Variants in NELL2 observed in about 807,000 individuals in gnomAD.
NELL2 encodes the protein protein kinase C-binding protein NELL2.
A neutral mutation model predicts 109.6 loss-of-function variants in NELL2; 41 were observed. The observed-to-expected ratio is 0.37, with a 90% CI of 0.29 to 0.49. NELL2 has a LOEUF of 0.49. Among genes scored for constraint, NELL2 ranks in the 20% least tolerant of loss-of-function variants. The pLI is 0.98. For synonymous variants in NELL2, 355 were observed against 344.7 expected (o/e 1.03, Z -0.33); for missense variants, 900 against 1,008.3 (o/e 0.89, Z 1.45).
At chr12:44,684,559 T>C (rs1256926711) in intron 12 of NELL2, among the ~76,000 whole-genome samples, 2 of 152,166 alleles carry the variant, frequency 1.3e-5, no homozygotes, top group Admixed American at 6.5e-5. Context: ...GCAATTAGTG[T>C]TATAAATTTC....
rs577783722 is a variant in NELL2, at chr12:44,587,924, G to A, written c.1663+19245C>T. On this transcript the variant is annotated intron_variant, in intron 15 of 19. Transcript: ENST00000429094. ...CCCAGCACTTTGGGAGGCCAAGGCG[G>A]GCGGATCACGAGGTCAGGAGATAGA... 2.0e-5 allele frequency among the ~76,000 whole-genome samples: 3 copies of A among 152,186 alleles called. No homozygotes were observed. The South Asian group carries it at 6.2e-4, about 32-fold the overall frequency.
chr12:44,686,071 G>T (rs1263782478), intron 12 of NELL2, among the ~76,000 whole-genome samples: 1 of 152,036 alleles, frequency 6.6e-6, no homozygotes, highest in Non-Finnish European at 1.5e-5. Context: ...CATAGATTTG[G>T]TCTTTTCACA....
At chr12:44,730,848 A>T (rs1939331404) in intron 9 of NELL2, among the ~76,000 whole-genome samples, 1 of 152,094 alleles carries the variant, frequency 6.6e-6, no homozygotes, top group South Asian at 2.1e-4. Flanking sequence ...GTTGTTTTTT[A>T]AAAAGATCAA....
chr12:44,898,684 C>A (rs191517053), intron 1 of NELL2, among the ~76,000 whole-genome samples: 1 of 152,088 alleles, frequency 6.6e-6, no homozygotes, highest in East Asian at 1.9e-4. Context: ...TTCCAAAAAC[C>A]AGAAGGCCTC....
At chr12:44,643,792 C>G (rs924755540) in intron 13 of NELL2, among the ~76,000 whole-genome samples, 2 of 151,980 alleles carry the variant, frequency 1.3e-5, no homozygotes, top group African/African-American at 4.8e-5. Context: ...AAATATTATC[C>G]AAATTCGTTT....
rs1555190849 is a variant in NELL2, at chr12:44,644,598, A to ATGTATG, written c.1444+20885_1444+20886insCATACA. 9.6e-4 allele frequency among the ~76,000 whole-genome samples: 95 copies of ATGTATG among 99,460 alleles called. No individual in the cohort carries two copies. In the Middle Eastern group the frequency reaches 0.015, roughly 16 times the overall value. The allele number at this position is 99,460 out of a possible 152,430, so 65.2% of individuals were successfully genotyped here. ...AAGTAAAGTATATATATATATATAT[A>ATGTATG]TATATGTATGTATATATATATATAT... On this transcript the variant is annotated intron_variant, in intron 13 of 19. Transcript: ENST00000429094.
At chr12:44,579,457 C>T (rs935609188) in intron 15 of NELL2, among the ~76,000 whole-genome samples, 22 of 152,144 alleles carry the variant, frequency 1.4e-4, no homozygotes, top group African/African-American at 5.1e-4. Context: ...AGCACCTTGG[C>T]CTTACATCTG....
At chr12:44,550,505 T>C (rs1282239579) in intron 15 of NELL2, among the ~76,000 whole-genome samples, 1 of 149,344 alleles carries the variant, frequency 6.7e-6, no homozygotes, top group African/African-American at 2.5e-5. Flanking sequence ...GACTATGCCA[T>C]TGCACTCCAG....
chr12:44,853,067 A>T (rs931365339), intron 2 of NELL2, among the ~76,000 whole-genome samples: 1 of 152,062 alleles, frequency 6.6e-6, no homozygotes, highest in African/African-American at 2.4e-5. Flanking sequence ...TTTCTTGTGA[A>T]TTCCCATGCT....
intron 15 of NELL2, among the ~76,000 whole-genome samples, chr12:44,587,309 T>TATATATATATATATA (rs1565974434): frequency 4.0e-4 from 28 of 69,578 alleles, no homozygotes; most frequent in Admixed American, 5.4e-4. Flanking sequence ...ATATATATAT[T>TATATATATATATATA]TTTTTTTAAA....
chr12:44,823,584 G>T (rs2136702689), intron 2 of NELL2, among the ~76,000 whole-genome samples: 1 of 152,258 alleles, frequency 6.6e-6, no homozygotes, highest in East Asian at 1.9e-4. Context: ...TTTTTGTAAG[G>T]CTGAATGATA....
chr12:44,724,858 C>T (rs908226888), intron 9 of NELL2, among the ~76,000 whole-genome samples: 12 of 146,458 alleles, frequency 8.2e-5, no homozygotes, highest in Non-Finnish European at 3.0e-5. Flanking sequence ...CAATACCCAA[C>T]TTCAAACTAT....
chr12:44,762,399 G>A (rs1592482119), intron 9 of NELL2, among the ~76,000 whole-genome samples: 1 of 151,934 alleles, frequency 6.6e-6, no homozygotes, highest in South Asian at 2.1e-4. Context: ...ATTCCTGTTG[G>A]CTCTACCTTC....
At chr12:44,668,987 C>A (rs1948044416) in intron 12 of NELL2, among the ~76,000 whole-genome samples, 1 of 152,086 alleles carries the variant, frequency 6.6e-6, no homozygotes, top group Non-Finnish European at 1.5e-5. Context: ...CCACTGAGGG[C>A]CCAAGGACTA....
intron 13 of NELL2, among the ~76,000 whole-genome samples, chr12:44,662,177 A>G (rs1420307791): frequency 1.3e-5 from 2 of 152,222 alleles, no homozygotes; most frequent in Non-Finnish European, 2.9e-5. Context: ...AGAGGCCCAG[A>G]AAATGGTGAT....
chr12:44,668,141 C>A (rs141030873), intron 12 of NELL2, among the ~76,000 whole-genome samples: 47 of 152,272 alleles, frequency 3.1e-4, no homozygotes, highest in African/African-American at 1.1e-3. Context: ...GCCATAATAC[C>A]AGCTGGACCC....
At chr12:44,519,899 G>GAAAAA in intron 19 of NELL2, 106 bp downstream of exon 19, 2 of 837,728 alleles carry the variant, frequency 2.4e-6, no homozygotes, top group Admixed American at 2.9e-5. Context: ...AAATAAACAG[G>GAAAAA]AAAAAAAAAA....
intron 15 of NELL2, among the ~76,000 whole-genome samples, chr12:44,570,871 C>A (rs753250196): frequency 6.6e-6 from 1 of 152,140 alleles, no homozygotes. Context: ...AACAGAAATG[C>A]ATTATGTCTA....
At chr12:44,751,956 T>TAA (rs777614248) in intron 9 of NELL2, among the ~76,000 whole-genome samples, 2 of 142,720 alleles carry the variant, frequency 1.4e-5, no homozygotes, top group African/African-American at 5.1e-5. Context: ...GCTTATGAGC[T>TAA]AAAAAAAAAA....
Sources: allele counts gnomAD v4.1 joint callset (sites outside exome capture counted in the v4.1 genomes callset), GRCh38; gene constraint gnomAD v4.1.1; transcripts MANE v1.5; gene names NCBI Gene and HGNC (gene_info 2026-07-23, HGNC 2026-07-21).